The following DET1 variants were observed in gnomAD, a reference collection of about 807,000 sequenced individuals.
DET1 encodes the protein DET1 homolog.
In DET1, 22 loss-of-function variants were observed where a neutral mutation model predicts 43.7. The observed-to-expected ratio is 0.50, with a 90% CI of 0.36 to 0.72. The LOEUF is 0.72. DET1 is among the 30% of genes least tolerant of loss of function. DET1 has a pLI of 0.00. For synonymous variants in DET1, 315 were observed against 266.2 expected (o/e 1.18, Z -1.79); for missense variants, 713 against 713.3 (o/e 1.00, Z 0.00).
chr15:88,520,609 G>A (rs1303680980), intron 3 of DET1, among the ~76,000 whole-genome samples: 1 of 152,186 alleles, frequency 6.6e-6, no homozygotes, highest in Admixed American at 6.5e-5. Context: ...GTTCAATCCA[G>A]AAACATTAGA....
chr15:88,501,967 G>A (rs980081106), intron 8 of DET1: 1 of 152,190 alleles, frequency 6.6e-6, no homozygotes, highest in African/African-American at 2.4e-5. Flanking sequence ...GGTAGCAGTG[G>A]TTTTGGTTAC....
intron 1 of DET1, among the ~76,000 whole-genome samples, chr15:88,542,735 A>AT (rs1468149399): frequency 6.6e-6 from 1 of 152,208 alleles, no homozygotes; most frequent in Non-Finnish European, 1.5e-5. Context: ...TGGCTATCCA[A>AT]GAGGGCAGAA....
chr15:88,522,266 T>C (rs1040701595), intron 3 of DET1, among the ~76,000 whole-genome samples: 2 of 152,184 alleles, frequency 1.3e-5, no homozygotes, highest in African/African-American at 4.8e-5. Context: ...CCTGCCAATC[T>C]AAAAATTCAT....
chr15:88,513,746 T>C (rs2056262327), intron 4 of DET1, among the ~76,000 whole-genome samples: 1 of 150,454 alleles, frequency 6.6e-6, no homozygotes, highest in Non-Finnish European at 1.5e-5. Context: ...TATTGGACAG[T>C]GTGGATCTAG....
Position 88,531,944 on chromosome 15 carries a change from A to G in DET1, c.-10-229T>C. 2.0e-6 allele frequency: 1 copy of G among 502,450 alleles called. No homozygotes were observed. Among genetic ancestry groups the G allele is most frequent in the Non-Finnish European group, 3.5e-6 (1 of 286,592 alleles). The allele number at this position is 502,450 out of a possible 1,614,324, so 31.1% of individuals were successfully genotyped here. On this transcript the variant is annotated intron_variant, in intron 1 of 4. Coordinates refer to ENST00000268148, the MANE Select transcript of DET1 (RefSeq NM_001144074.3). The surrounding 1 kb of genome is among the most constrained non-coding windows in gnomAD (Gnocchi z 6.2). ...ATCTAGTTCACTAGGAATACCTTCC[A>G]AGTATGCTCAGCTGTTGGGAAAGTT...
intron 1 of DET1, among the ~76,000 whole-genome samples, chr15:88,544,730 CAG>C (rs906909627): frequency 5.9e-5 from 9 of 152,182 alleles, no homozygotes; most frequent in Admixed American, 5.9e-4. Context: ...CTACTAAAAA[CAG>C]GGGTCCCCAG....
downstream of DET1, among the ~76,000 whole-genome samples, chr15:88,509,875 C>T (rs1290815041): frequency 6.6e-6 from 1 of 152,156 alleles, no homozygotes; most frequent in Admixed American, 6.5e-5. Flanking sequence ...TCATCCTCTC[C>T]CTATCTCAAT....
chr15:88,534,469 A>G (rs1017346091), intron 1 of DET1, among the ~76,000 whole-genome samples: 1 of 152,176 alleles, frequency 6.6e-6, no homozygotes, highest in African/African-American at 2.4e-5. Context: ...TGTTGCAAGG[A>G]AGGATAATTA....
At chr15:88,539,094 GCTCTCTCT>G (rs35379111) in intron 1 of DET1, among the ~76,000 whole-genome samples, 5 of 148,134 alleles carry the variant, frequency 3.4e-5, no homozygotes, top group African/African-American at 5.0e-5. Context: ...CTGGCAGACC[GCTCTCTCT>G]CTCTCTCTCT....
intron 3 of DET1, among the ~76,000 whole-genome samples, chr15:88,524,650 C>T (rs971917850): frequency 1.3e-5 from 2 of 152,168 alleles, no homozygotes; most frequent in African/African-American, 4.8e-5. Context: ...TGACCTTACC[C>T]CCAACCCTGT....
At chr15:88,511,302 C>T, downstream of DET1, 1 of 631,970 alleles carries the variant, frequency 1.6e-6, no homozygotes, top group South Asian at 7.3e-5. Context: ...CGTATTATGT[C>T]TTCTACTACA....
intron 4 of DET1, among the ~76,000 whole-genome samples, chr15:88,514,817 A>G (rs191079328): frequency 2.7e-4 from 41 of 152,334 alleles, no homozygotes; most frequent in African/African-American, 9.1e-4. Context: ...TATATTTCTC[A>G]TTTTAAATTA....
At chr15:88,542,417 G>A (rs903502553) in intron 1 of DET1, among the ~76,000 whole-genome samples, 1 of 152,046 alleles carries the variant, frequency 6.6e-6, no homozygotes, top group African/African-American at 2.4e-5. Flanking sequence ...GTTGTCCAGG[G>A]GCCTGATGAG....
Position 88,512,990 on chromosome 15 carries a change from C to T in DET1, c.1614G>A (p.Glu538=), listed in dbSNP as rs1475844791. Residue 538 remains glutamate (E), a synonymous_variant, in exon 5 of 5, where the codon GAG becomes GAA. Coordinates refer to ENST00000268148, the MANE Select transcript of DET1 (RefSeq NM_001144074.3). Reference sequence around the variant, plus strand: ...GTCGCATATGGAAGTTGACAACATACTCAGCATTAGTCCTCTGCACAGAAA... The same window carrying T: ...GTCGCATATGGAAGTTGACAACATATTCAGCATTAGTCCTCTGCACAGAAA... ...FAISVQRTNA[E]YVVNFHMRHC... 6 of 1,613,930 alleles carry T rather than the reference C, an allele frequency of 3.7e-6. No homozygotes were observed. The East Asian group carries it at 6.7e-5, about 18-fold the overall frequency.
At chr15:88,513,793 C>CTTTTTTTTT (rs55855042) in intron 4 of DET1, among the ~76,000 whole-genome samples, 1 of 68,490 alleles carries the variant, frequency 1.5e-5, no homozygotes, top group Non-Finnish European at 2.5e-5. Context: ...AGAATAAATT[C>CTTTTTTTTT]TTTTTTTTTT....
rs1027255437 is a variant in DET1, at chr15:88,516,315, A to G, written c.1463+467T>C. 1.3e-5 allele frequency among the ~76,000 whole-genome samples: 2 copies of G among 152,378 alleles called. No individual in the cohort carries two copies. Among genetic ancestry groups the G allele is most frequent in the African/African-American group, 4.8e-5 (2 of 41,588 alleles). ...AGTTTCAAACTTCTAACAATAACAC[A>G]GTAGTCTACATTCCAAAATTCCTCC... On this transcript the variant is annotated intron_variant, in intron 4 of 4. Transcript: ENST00000268148. The surrounding 1 kb of genome is among the most constrained non-coding windows in gnomAD (Gnocchi z 4.4).
At chr15:88,535,203 T>C (rs7402591) in intron 1 of DET1, among the ~76,000 whole-genome samples, 68,556 of 151,904 alleles carry the variant, frequency 0.45, 16,159 homozygotes, top group East Asian at 0.66. Flanking sequence ...AAATATCTTT[T>C]AAAAATTTAA....
At chr15:88,537,212 G>A (rs1315707472) in intron 1 of DET1, among the ~76,000 whole-genome samples, 2 of 152,122 alleles carry the variant, frequency 1.3e-5, no homozygotes, top group African/African-American at 4.8e-5. Flanking sequence ...ATCATATATT[G>A]CAATGGTAAG....
chr15:88,529,972 C>T (rs1297127369), intron 2 of DET1, among the ~76,000 whole-genome samples: 1 of 152,200 alleles, frequency 6.6e-6, no homozygotes, highest in African/African-American at 2.4e-5. Context: ...AACTGAAAAA[C>T]CTTTAAGATT....
Sources: allele counts gnomAD v4.1 joint callset (sites outside exome capture counted in the v4.1 genomes callset), GRCh38; gene constraint gnomAD v4.1.1; non-coding constraint Gnocchi (gnomAD v3.1); transcripts MANE v1.5; gene names NCBI Gene and HGNC (gene_info 2026-07-23, HGNC 2026-07-21).